The following SLC16A9 variants were observed in gnomAD, a reference collection of about 807,000 sequenced individuals.
The protein encoded by SLC16A9 is solute carrier family 16 member 9.
Under a neutral mutation model 44.3 loss-of-function variants are expected in SLC16A9, and 26 were observed. The ratio of observed to expected loss-of-function variants is 0.59; its 90% CI spans 0.43 to 0.81. The LOEUF (loss-of-function observed/expected upper bound fraction) is 0.81, where lower values mean the gene tolerates loss of function less well. Ranked by LOEUF, SLC16A9 falls within the 40% of genes least tolerant of loss-of-function variation. The pLI is 0.00. For synonymous variants in SLC16A9, 230 were observed against 225.1 expected, an observed-to-expected ratio of 1.02 and a Z score of -0.19; for missense variants, 559 against 595.8, an observed-to-expected ratio of 0.94 and a Z score of 0.64.
At chr10:59,667,022 A>G (rs551386217) in intron 3 of SLC16A9, among the ~76,000 whole-genome samples, 16 of 152,204 alleles carry the variant, frequency 1.1e-4, no homozygotes, top group Non-Finnish European at 2.1e-4. Flanking sequence ...TAATATTTTT[A>G]AGTTCTTGCA....
chr10:59,671,245 T>C (rs1453455638), intron 3 of SLC16A9, among the ~76,000 whole-genome samples: 1 of 152,166 alleles, frequency 6.6e-6, no homozygotes, highest in Non-Finnish European at 1.5e-5. Context: ...TCCTCAGACC[T>C]GAGCCTGTTT....
intron 1 of SLC16A9, among the ~76,000 whole-genome samples, chr10:59,686,870 C>T (rs1241666742): frequency 6.6e-6 from 1 of 152,188 alleles, no homozygotes; most frequent in Non-Finnish European, 1.5e-5. Flanking sequence ...ACATCCTCCA[C>T]CTTGCTTTGG....
rs558826317 is a variant in SLC16A9, at chr10:59,668,106, T to C, written c.341-3784A>G. Among the ~76,000 whole-genome samples, 8 of 152,144 alleles carry C rather than the reference T, an allele frequency of 5.3e-5. No individual in the cohort carries two copies. The East Asian group carries it at 1.5e-3, about 29-fold the overall frequency. On this transcript the variant is annotated intron_variant, in intron 3 of 5. Transcript: ENST00000395348. ...TTTAATCTCATCTAAAGCCTCCTAATAGCTGTCTCAGCCTTCAGTACTTTT... is the reference window on the plus strand; with the variant it reads ...TTTAATCTCATCTAAAGCCTCCTAACAGCTGTCTCAGCCTTCAGTACTTTT...
intron 1 of SLC16A9, among the ~76,000 whole-genome samples, 188 bp downstream of exon 1, chr10:59,709,291 G>A (rs936613080): frequency 1.3e-5 from 2 of 152,134 alleles, no homozygotes; most frequent in South Asian, 2.1e-4. Flanking sequence ...AAAGGGGGCG[G>A]CGAGGGGCGG....
At chr10:59,691,024 G>T (rs1840242121) in intron 1 of SLC16A9, among the ~76,000 whole-genome samples, 1 of 152,204 alleles carries the variant, frequency 6.6e-6, no homozygotes. Flanking sequence ...GGCAGAGGTT[G>T]CAGTGAGCTG....
At chr10:59,703,892 T>C (rs1328757161) in intron 1 of SLC16A9, among the ~76,000 whole-genome samples, 11 of 151,968 alleles carry the variant, frequency 7.2e-5, no homozygotes, top group African/African-American at 2.2e-4. Context: ...CTAATTCTTT[T>C]GGTATTTTTT....
chr10:59,703,125 CCT>C (rs1339598155), intron 1 of SLC16A9, among the ~76,000 whole-genome samples: 2 of 152,164 alleles, frequency 1.3e-5, no homozygotes, highest in Non-Finnish European at 2.9e-5. Context: ...ACTTCTGGAG[CCT>C]CTGATTTTTT....
At chr10:59,706,174 C>A (rs1840631451) in intron 1 of SLC16A9, among the ~76,000 whole-genome samples, 1 of 151,484 alleles carries the variant, frequency 6.6e-6, no homozygotes, top group Non-Finnish European at 1.5e-5. Context: ...TACCCTATGA[C>A]TCCATTTATA....
At chr10:59,704,046 A>G (rs1840587086) in intron 1 of SLC16A9, among the ~76,000 whole-genome samples, 1 of 152,198 alleles carries the variant, frequency 6.6e-6, no homozygotes. Context: ...TAACACTAGA[A>G]TAGATTTCAC....
chr10:59,666,023 C>A (rs1039454044), intron 3 of SLC16A9, among the ~76,000 whole-genome samples: 1 of 151,922 alleles, frequency 6.6e-6, no homozygotes, highest in African/African-American at 2.4e-5. Context: ...AGGCCAGGCA[C>A]GGTGGCTCAT....
chr10:59,686,349 C>CA (rs1840134164), intron 1 of SLC16A9, among the ~76,000 whole-genome samples: 1 of 152,020 alleles, frequency 6.6e-6, no homozygotes, highest in Admixed American at 6.6e-5. Context: ...CTGTCTGGTT[C>CA]AAAAAGAAAT....
At chr10:59,703,934 G>A (rs1488517410) in intron 1 of SLC16A9, among the ~76,000 whole-genome samples, 2 of 152,192 alleles carry the variant, frequency 1.3e-5, no homozygotes, top group East Asian at 3.9e-4. Flanking sequence ...CTGTTAGCCA[G>A]GATGGTCTCA....
chr10:59,691,977 C>T (rs1302658100), intron 1 of SLC16A9, among the ~76,000 whole-genome samples: 2 of 152,294 alleles, frequency 1.3e-5, no homozygotes, highest in African/African-American at 4.8e-5. Context: ...TTCCTGTTGC[C>T]TTTGCTCCCT....
intron 1 of SLC16A9, among the ~76,000 whole-genome samples, chr10:59,705,330 A>G (rs962011879): frequency 6.6e-6 from 1 of 152,192 alleles, no homozygotes; most frequent in Admixed American, 6.5e-5. Context: ...TATTAACAAT[A>G]ATTATCATAC....
chr10:59,681,713 TGTATATG>T (rs1840014271), intron 2 of SLC16A9, among the ~76,000 whole-genome samples: 1 of 17,088 alleles, frequency 5.9e-5, no homozygotes, highest in African/African-American at 1.4e-4. Context: ...TATATGTATA[TGTATATG>T]ATGTATATGT....
intron 1 of SLC16A9, among the ~76,000 whole-genome samples, chr10:59,693,834 G>A (rs1407032590): frequency 6.6e-6 from 1 of 151,188 alleles, no homozygotes; most frequent in African/African-American, 2.4e-5. Context: ...AGCCAGGATG[G>A]TCTTGATCTC....
chr10:59,700,286 T>C (rs1016740563), intron 1 of SLC16A9, among the ~76,000 whole-genome samples: 4 of 152,168 alleles, frequency 2.6e-5, no homozygotes, highest in Non-Finnish European at 4.4e-5. Flanking sequence ...GTTATTAGGG[T>C]ACCTGTTGGT....
At chr10:59,653,441 A>AAAAAAAAAAAAAAAAAAAAAAAAAAAT (rs1564693235) in intron 5 of SLC16A9, among the ~76,000 whole-genome samples, 1 of 147,808 alleles carries the variant, frequency 6.8e-6, no homozygotes, top group African/African-American at 2.6e-5. Context: ...AAAAAAAAAA[A>AAAAAAAAAAAAAAAAAAAAAAAAAAAT]AAAAGCAGGC....
chr10:59,651,647 C>T lies in SLC16A9; in HGVS notation c.*1125G>A, dbSNP rs1349418670. The T allele has an allele frequency of 6.6e-6, 1 of 152,086 alleles. No individual in the cohort carries two copies. The highest frequency in any genetic ancestry group is 1.5e-5 in the Non-Finnish European group (1 of 68,014). 9.4% of individuals were successfully genotyped at this position (152,086 alleles called of 1,614,324 possible). ...TTAGAAAAAAAATCAATGTATTAAACATTGGAGTTTATCCCAAGGACATTT... is the reference window on the plus strand; with the variant it reads ...TTAGAAAAAAAATCAATGTATTAAATATTGGAGTTTATCCCAAGGACATTT... On this transcript the variant is annotated 3_prime_UTR_variant, in exon 6 of 6. Coordinates refer to ENST00000395348, the MANE Select transcript of SLC16A9 (RefSeq NM_194298.3).
Sources: allele counts gnomAD v4.1 joint callset (sites outside exome capture counted in the v4.1 genomes callset), GRCh38; gene constraint gnomAD v4.1.1; transcripts MANE v1.5; gene names NCBI Gene and HGNC (gene_info 2026-07-23, HGNC 2026-07-21).